Variants in RIC3 observed in about 807,000 individuals in gnomAD.
RIC3 encodes the protein RIC3 acetylcholine receptor chaperone, also known as protein RIC-3.
A neutral mutation model predicts 27.3 loss-of-function variants in RIC3; 28 were observed. That is an observed-to-expected ratio of 1.02 (90% confidence interval 0.76 to 1.41). RIC3 has a LOEUF of 1.41. RIC3 is among the 40% of genes most tolerant of loss of function. The pLI, the probability that RIC3 is intolerant of heterozygous loss-of-function variation, is 0.00. For synonymous variants in RIC3, 184 were observed against 160.4 expected (o/e 1.15, Z -1.11); for missense variants, 501 against 444.7 (o/e 1.13, Z -1.14).
At chr11:8,114,854 A>G (rs1945676483) in intron 5 of RIC3, among the ~76,000 whole-genome samples, 1 of 152,192 alleles carries the variant, frequency 6.6e-6, no homozygotes, top group South Asian at 2.1e-4. Flanking sequence ...TGCAATAGAG[A>G]GTATCAACAG....
At chr11:8,118,527 TAAAAAAAAAAAAA>T (rs11378233) in intron 5 of RIC3, among the ~76,000 whole-genome samples, 67 of 66,692 alleles carry the variant, frequency 1.0e-3, no homozygotes, top group Non-Finnish European at 1.5e-3. Context: ...GCCATAATTG[TAAAAAAAAAAAAA>T]AAAAAAAAAA....
intron 4 of RIC3, chr11:8,135,512 C>A (rs1198975999): frequency 6.6e-6 from 1 of 151,988 alleles, no homozygotes; most frequent in Non-Finnish European, 1.5e-5. Flanking sequence ...TTTTCCAATT[C>A]TGTGAAGAAA....
intron 1 of RIC3, among the ~76,000 whole-genome samples, chr11:8,147,784 G>A (rs1949851619): frequency 6.8e-6 from 1 of 148,100 alleles, no homozygotes; most frequent in South Asian, 2.1e-4. Flanking sequence ...CTGGAGTGCA[G>A]TGGCGCGATC....
At chr11:8,133,777 G>C (rs536870375) in intron 4 of RIC3, among the ~76,000 whole-genome samples, 1 of 152,156 alleles carries the variant, frequency 6.6e-6, no homozygotes, top group Admixed American at 6.5e-5. Context: ...AGTAGTTAGA[G>C]GTTATAGTAT....
chr11:8,160,397 T>G (rs975777688), intron 1 of RIC3, among the ~76,000 whole-genome samples: 1 of 152,190 alleles, frequency 6.6e-6, no homozygotes, highest in African/African-American at 2.4e-5. Flanking sequence ...AAATCAAGAA[T>G]GGCACACAGC....
intron 5 of RIC3, among the ~76,000 whole-genome samples, chr11:8,121,827 G>C (rs1178046870): frequency 2.0e-5 from 3 of 152,116 alleles, no homozygotes; most frequent in Admixed American, 1.3e-4. Flanking sequence ...GAAGGTAAAA[G>C]TTTTATGTAT....
At chr11:8,101,668 C>CT, downstream of RIC3, 1 of 1,600,602 alleles carries the variant, frequency 6.2e-7, no homozygotes, top group Non-Finnish European at 8.5e-7. Flanking sequence ...CGGAGCTTGC[C>CT]TGCCTGCCTG....
intron 1 of RIC3, among the ~76,000 whole-genome samples, chr11:8,145,104 G>A (rs34256426): frequency 0.031 from 4,378 of 143,314 alleles, 89 homozygotes; most frequent in Non-Finnish European, 0.048. Context: ...TGGGTGCAGC[G>A]CACCAGCATG....
downstream of RIC3, chr11:8,106,006 G>A (rs1450106530): frequency 6.6e-6 from 1 of 151,864 alleles, no homozygotes; most frequent in African/African-American, 2.4e-5. Context: ...CTATTTTGGA[G>A]TGGTCAGACA....
chr11:8,121,193 C>G (rs1035678554), intron 5 of RIC3, among the ~76,000 whole-genome samples: 1 of 152,120 alleles, frequency 6.6e-6, no homozygotes, highest in Non-Finnish European at 1.5e-5. Flanking sequence ...ATTAATATCA[C>G]TTGTAGTTAA....
chr11:8,162,575 T>C (rs1951267942), intron 1 of RIC3, among the ~76,000 whole-genome samples: 1 of 151,542 alleles, frequency 6.6e-6, no homozygotes, highest in African/African-American at 2.4e-5. Flanking sequence ...CGTGCCAACT[T>C]CTCTGGTGTC....
chr11:8,121,731 T>A (rs905786852), intron 5 of RIC3, among the ~76,000 whole-genome samples: 4 of 151,182 alleles, frequency 2.6e-5, no homozygotes, highest in Admixed American at 6.6e-5. Context: ...AAAAAAATAA[T>A]AATAACTTTT....
chr11:8,111,457 A>G (rs1945258196), intron 5 of RIC3, among the ~76,000 whole-genome samples: 1 of 152,240 alleles, frequency 6.6e-6, no homozygotes, highest in African/African-American at 2.4e-5. Context: ...ATGAGCCTTT[A>G]GTTAAAACAA....
Position 8,154,848 on chromosome 11 carries a change from G to C in RIC3, c.124+14018C>G, listed in dbSNP as rs1387595946. Among the ~76,000 whole-genome samples the C allele has an allele frequency of 2.0e-5, 3 of 152,118 alleles. No individual in the cohort carries two copies. The East Asian group carries it at 5.8e-4, about 29-fold the overall frequency. ...GTTTTCTAATCTAGAAAACAAAACA[G>C]CTATGTGACTATCTCTATAGGTACT... is the stretch of plus-strand genomic sequence containing the variant. On this transcript the variant is annotated intron_variant, in intron 1 of 5. Transcript: ENST00000309737.
downstream of RIC3, chr11:8,102,813 C>T (rs983694107): frequency 6.6e-6 from 1 of 152,134 alleles, no homozygotes; most frequent in Non-Finnish European, 1.5e-5. Context: ...TGGGGCTTGC[C>T]CTGGGTCACC....
intron 1 of RIC3, among the ~76,000 whole-genome samples, chr11:8,155,521 A>C (rs1399787299): frequency 6.6e-6 from 1 of 152,192 alleles, no homozygotes; most frequent in Admixed American, 6.5e-5. Context: ...GGTTGCAGTG[A>C]GCCAAAATCG....
chr11:8,098,086 C>G, the RIC3 span, among the ~76,000 whole-genome samples: 2 of 152,050 alleles, frequency 1.3e-5, no homozygotes, highest in Non-Finnish European at 2.9e-5. Context: ...TGGATCCAAC[C>G]CCAGGGTGTC....
rs769452912 is a variant in RIC3 at position 8,124,567 on chromosome 11, T to C, written c.670+2092A>G. Among the ~76,000 whole-genome samples, 17 of 152,176 alleles carry C rather than the reference T, an allele frequency of 1.1e-4. No individual in the cohort carries two copies. The East Asian group carries it at 1.2e-3, about 10-fold the overall frequency. ...AATTTATCTGAAATTGTGAAGGAAA[T>C]AGCCAAAATAATCTTGGGAAAAAAA... On this transcript the variant is annotated intron_variant, in intron 5 of 5. Coordinates refer to ENST00000309737, the MANE Select transcript of RIC3 (RefSeq NM_001206671.4).
chr11:8,142,152 C>G (rs1023909125), intron 1 of RIC3, among the ~76,000 whole-genome samples: 1 of 142,688 alleles, frequency 7.0e-6, no homozygotes, highest in African/African-American at 2.7e-5. Context: ...CAAAAGCTAG[C>G]AGAAGGCAAG....
Sources: allele counts gnomAD v4.1 joint callset (sites outside exome capture counted in the v4.1 genomes callset), GRCh38; gene constraint gnomAD v4.1.1; transcripts MANE v1.5; gene names NCBI Gene and HGNC (gene_info 2026-07-23, HGNC 2026-07-21).